SEPTIN9: variants seen among roughly 807,000 people sequenced by gnomAD.
SEPTIN9 encodes the protein septin-9.
A neutral mutation model predicts 56.6 loss-of-function variants in SEPTIN9; 13 were observed. That is an observed-to-expected ratio of 0.23 (90% CI 0.15 to 0.37). The LOEUF (loss-of-function observed/expected upper bound fraction) is 0.37, where lower values mean the gene tolerates loss of function less well. Ranked by LOEUF, SEPTIN9 falls within the 10% of genes least tolerant of loss-of-function variation. The pLI is 1.00. For synonymous variants in SEPTIN9, 332 were observed against 334.1 expected (o/e 0.99, Z 0.07); for missense variants, 650 against 823.1 (o/e 0.79, Z 2.57).
rs1376331809 is a variant in SEPTIN9 at position 77,319,913 on chromosome 17, G to A, written c.76+12716G>A. ...GAGGAGGTGGAGAGAGGAGGCTGCC[G>A]GAAGCCGCACTCGGGACCTCTGCAG... On this transcript the variant is annotated intron_variant, in intron 2 of 11. Transcript: ENST00000427177. The surrounding 1 kb of genome is among the most constrained non-coding windows in gnomAD (Gnocchi z 5.3). 1.8e-4 allele frequency: 201 copies of A among 1,106,238 alleles called. No individual in the cohort carries two copies. Among genetic ancestry groups the A allele is most frequent in the Non-Finnish European group, 2.1e-4 (192 of 905,068 alleles). The allele number at this position is 1,106,238 out of a possible 1,614,324, so 68.5% of individuals were successfully genotyped here. A position where few individuals can be genotyped will look rare whatever the true frequency, so the allele number is the denominator to read the frequency against.
intron 3 of SEPTIN9, among the ~76,000 whole-genome samples, chr17:77,462,458 A>G (rs1330810413): frequency 6.6e-6 from 1 of 151,192 alleles, no homozygotes; most frequent in Non-Finnish European, 1.5e-5. Context: ...CTAATTTTTT[A>G]TTTTTTGTAG....
chr17:77,477,022 C>T (rs551944112), intron 3 of SEPTIN9, among the ~76,000 whole-genome samples: 1 of 152,286 alleles, frequency 6.6e-6, no homozygotes, highest in Admixed American at 6.5e-5. Flanking sequence ...ACCCATTGGA[C>T]TCTTCAATCC....
intron 1 of SEPTIN9, among the ~76,000 whole-genome samples, chr17:77,301,639 C>T (rs1294256340): frequency 2.0e-5 from 3 of 152,128 alleles, no homozygotes; most frequent in South Asian, 2.1e-4. Context: ...TCTCGAACTC[C>T]GGACCTCAGA....
intron 2 of SEPTIN9, among the ~76,000 whole-genome samples, chr17:77,354,988 A>C (rs563074152): frequency 6.6e-6 from 1 of 152,042 alleles, no homozygotes; most frequent in Non-Finnish European, 1.5e-5. Flanking sequence ...CAGGATTTCC[A>C]TCCAGCTCTG....
At chr17:77,485,948 C>T (rs983464382) in intron 4 of SEPTIN9, among the ~76,000 whole-genome samples, 4 of 151,970 alleles carry the variant, frequency 2.6e-5, no homozygotes, top group Non-Finnish European at 5.9e-5. Context: ...AAGTGATTCT[C>T]GTGCCTCAGG....
At chr17:77,348,294 G>GTTTTTTTT (rs367934946) in intron 2 of SEPTIN9, among the ~76,000 whole-genome samples, 1 of 89,752 alleles carries the variant, frequency 1.1e-5, no homozygotes, top group African/African-American at 4.5e-5. Context: ...TTTAATTTAT[G>GTTTTTTTT]TTTTTTTTTT....
Position 77,450,664 on chromosome 17 carries a change from C to G in SEPTIN9, c.722-31480C>G. 1 of 986,276 alleles carries G rather than the reference C, an allele frequency of 1.0e-6. No homozygotes were observed. Among genetic ancestry groups the G allele is most frequent in the Non-Finnish European group, 1.2e-6 (1 of 830,680 alleles). 61.1% of individuals were successfully genotyped at this position (986,276 alleles called of 1,614,324 possible). On this transcript the variant is annotated intron_variant, in intron 3 of 11. Coordinates refer to ENST00000427177, the MANE Select transcript of SEPTIN9 (RefSeq NM_001113491.2). The surrounding 1 kb of genome is among the most constrained non-coding windows in gnomAD (Gnocchi z 6.0). ...CCTCTGGGTCCCAGCACATCCCAGGCCTGCAGGGAGGGGGAGAGGAAGAGA... is the reference window on the plus strand; with the variant it reads ...CCTCTGGGTCCCAGCACATCCCAGGGCTGCAGGGAGGGGGAGAGGAAGAGA...
At chr17:77,443,951 C>T (rs1242540108) in intron 3 of SEPTIN9, among the ~76,000 whole-genome samples, 1 of 152,130 alleles carries the variant, frequency 6.6e-6, no homozygotes, top group Non-Finnish European at 1.5e-5. Context: ...AGACTGAGGC[C>T]TGCAGCCTAG....
chr17:77,399,367 C>T (rs2035829596), intron 2 of SEPTIN9, among the ~76,000 whole-genome samples: 1 of 152,138 alleles, frequency 6.6e-6, no homozygotes, highest in East Asian at 1.9e-4. Context: ...CTTGACCGCA[C>T]GGAAGGATGC....
At chr17:77,461,232 G>A (rs930971467) in intron 3 of SEPTIN9, among the ~76,000 whole-genome samples, 1 of 151,456 alleles carries the variant, frequency 6.6e-6, no homozygotes, top group African/African-American at 2.4e-5. Flanking sequence ...CTCAAATCCA[G>A]GAGGCGGAGG....
intron 2 of SEPTIN9, among the ~76,000 whole-genome samples, chr17:77,362,217 C>T (rs942363144): frequency 5.3e-5 from 8 of 152,240 alleles, no homozygotes; most frequent in Non-Finnish European, 1.0e-4. Context: ...CCCTGCCCTG[C>T]CCTTTGGGCT....
intron 3 of SEPTIN9, among the ~76,000 whole-genome samples, chr17:77,411,504 C>T (rs577319324): frequency 7.9e-5 from 12 of 151,866 alleles, no homozygotes; most frequent in Admixed American, 5.9e-4. Context: ...CGCTTTCAAG[C>T]GATTCTCCTG....
At chr17:77,361,330 TTCTC>T (rs1369527117) in intron 2 of SEPTIN9, among the ~76,000 whole-genome samples, 1 of 151,860 alleles carries the variant, frequency 6.6e-6, no homozygotes, top group Admixed American at 6.6e-5. Flanking sequence ...TTGAAGGTCT[TTCTC>T]TGTCTGGGTG....
Position 77,426,644 on chromosome 17 carries a change from G to A in SEPTIN9, c.721+23941G>A, listed in dbSNP as rs536700124. Among the ~76,000 whole-genome samples, 23 of 152,280 alleles carry A rather than the reference G, an allele frequency of 1.5e-4. No homozygotes were observed. In the South Asian group the frequency reaches 3.7e-3, roughly 25 times the overall value. ...AAGTCCCTCCCTAGACCTCCTGGCC[G>A]CCTCATTCAGGTCTTGCTGAAGCGC... On this transcript the variant is annotated intron_variant, in intron 3 of 11. Transcript: ENST00000427177.
At chr17:77,325,997 G>T (rs946687698) in intron 2 of SEPTIN9, among the ~76,000 whole-genome samples, 1 of 152,244 alleles carries the variant, frequency 6.6e-6, no homozygotes, top group African/African-American at 2.4e-5. Flanking sequence ...GGGCGTGAGG[G>T]TGTCAGCCTT....
intron 3 of SEPTIN9, among the ~76,000 whole-genome samples, chr17:77,415,380 G>GC (rs111423085): frequency 0.018 from 2,671 of 152,298 alleles, 85 homozygotes; most frequent in African/African-American, 0.06. Flanking sequence ...GTTGAGGCAG[G>GC]CAGATCACCT....
intron 4 of SEPTIN9, among the ~76,000 whole-genome samples, chr17:77,484,580 A>G (rs1255265695): frequency 0.53 from 56,252 of 105,906 alleles, 16,663 homozygotes; most frequent in African/African-American, 0.73. Context: ...GATGGTGGTT[A>G]TGATGGTGGT....
chr17:77,357,151 C>T (rs528266057), intron 2 of SEPTIN9, among the ~76,000 whole-genome samples: 18 of 152,224 alleles, frequency 1.2e-4, no homozygotes, highest in Admixed American at 2.0e-4. Context: ...AGCTGGCCCA[C>T]GCCACCTGTG....
intron 4 of SEPTIN9, among the ~76,000 whole-genome samples, chr17:77,486,487 G>GGTGTGTGTGTGTGTGTGT (rs773025304): frequency 7.0e-6 from 1 of 143,644 alleles, no homozygotes; most frequent in African/African-American, 2.7e-5. Flanking sequence ...AGTCTGGAGG[G>GGTGTGTGTGTGTGTGTGT]GTGTGTGTGT....
Sources: gnomAD v4.1 joint callset for allele counts (sites outside exome capture counted in the v4.1 genomes callset) on GRCh38, gnomAD v4.1.1 for gene constraint, Gnocchi (gnomAD v3.1) non-coding constraint, MANE v1.5 for transcripts, NCBI Gene and HGNC (gene_info 2026-07-23, HGNC 2026-07-21) for gene names.